The following LRRIQ3 variants were observed in gnomAD, a reference collection of about 807,000 sequenced individuals.
LRRIQ3 encodes the protein leucine rich repeats and IQ motif containing 3.
In LRRIQ3, 75 loss-of-function variants were observed where a neutral mutation model predicts 59.3. The observed-to-expected ratio is 1.26, with a 90% CI of 1.05 to 1.53. The LOEUF (loss-of-function observed/expected upper bound fraction) is 1.53, where lower values mean the gene tolerates loss of function less well. Among genes scored for constraint, LRRIQ3 ranks in the 40% most tolerant of loss-of-function variants. The pLI is 0.00. For missense variants in LRRIQ3, 831 were observed against 710.0 expected (o/e 1.17, Z -1.94); for synonymous variants, 250 against 231.3 (o/e 1.08, Z -0.73).
chr1:74,076,480 AC>A (rs549212674), intron 5 of LRRIQ3, among the ~76,000 whole-genome samples: 8 of 152,216 alleles, frequency 5.3e-5, no homozygotes, highest in African/African-American at 1.9e-4. Flanking sequence ...AGTGAATGGC[AC>A]CACATTCATT....
chr1:74,111,994 A>C (rs1646702340), intron 4 of LRRIQ3, among the ~76,000 whole-genome samples: 2 of 152,154 alleles, frequency 1.3e-5, no homozygotes, highest in South Asian at 4.1e-4. Flanking sequence ...TGATAGGCAG[A>C]AGCTCTAATC....
At chr1:74,132,902 G>T (rs1301655664) in intron 4 of LRRIQ3, among the ~76,000 whole-genome samples, 2 of 152,074 alleles carry the variant, frequency 1.3e-5, no homozygotes, top group Non-Finnish European at 2.9e-5. Context: ...CACAGCAAAA[G>T]AAACTACCAT....
chr1:74,102,000 T>A (rs1256685778), intron 5 of LRRIQ3, among the ~76,000 whole-genome samples: 1 of 151,504 alleles, frequency 6.6e-6, no homozygotes, highest in Non-Finnish European at 1.5e-5. Context: ...ATGGCACATG[T>A]ATACATATGT....
chr1:74,061,805 C>T (rs1029279642), intron 6 of LRRIQ3, among the ~76,000 whole-genome samples: 2 of 152,084 alleles, frequency 1.3e-5, no homozygotes, highest in African/African-American at 4.8e-5. Context: ...GAGGCCTAGT[C>T]CGGTGAATTG....
At chr1:74,067,541 C>G (rs563418016) in intron 6 of LRRIQ3, among the ~76,000 whole-genome samples, 1 of 152,072 alleles carries the variant, frequency 6.6e-6, no homozygotes, top group Non-Finnish European at 1.5e-5. Context: ...GGCTAAAATT[C>G]TCTGGTAATC....
At chr1:74,087,535 AT>A (rs926539068) in intron 5 of LRRIQ3, among the ~76,000 whole-genome samples, 5 of 151,612 alleles carry the variant, frequency 3.3e-5, no homozygotes, top group Non-Finnish European at 5.9e-5. Context: ...ATAAAAAAAA[AT>A]CTACCCTCTT....
At chr1:74,050,827 T>C (rs1284700622) in intron 6 of LRRIQ3, among the ~76,000 whole-genome samples, 1 of 152,214 alleles carries the variant, frequency 6.6e-6, no homozygotes, top group Non-Finnish European at 1.5e-5. Flanking sequence ...CCTGATTTGC[T>C]AGATGCAAAA....
At chr1:74,095,381 C>A (rs557822632) in intron 5 of LRRIQ3, among the ~76,000 whole-genome samples, 1 of 152,148 alleles carries the variant, frequency 6.6e-6, no homozygotes, top group African/African-American at 2.4e-5. Flanking sequence ...CATTCTCTTC[C>A]TTCTTTATTA....
At chr1:74,112,721 A>C (rs1646715910) in intron 4 of LRRIQ3, among the ~76,000 whole-genome samples, 1 of 152,176 alleles carries the variant, frequency 6.6e-6, no homozygotes, top group Admixed American at 6.6e-5. Flanking sequence ...AGCTGACTAT[A>C]GCTGGTGCAC....
chr1:74,125,678 A>C (rs1163539700), intron 4 of LRRIQ3, among the ~76,000 whole-genome samples: 2 of 151,948 alleles, frequency 1.3e-5, no homozygotes, highest in Non-Finnish European at 2.9e-5. Flanking sequence ...ACGTTGAACC[A>C]TCCTTGCATT....
intron 5 of LRRIQ3, among the ~76,000 whole-genome samples, chr1:74,101,394 A>G (rs1646530973): frequency 6.6e-6 from 1 of 152,198 alleles, no homozygotes; most frequent in Non-Finnish European, 1.5e-5. Context: ...GCCATCATTA[A>G]AAAGTCAGGA....
chr1:74,145,560 C>T (rs749830168), intron 4 of LRRIQ3, among the ~76,000 whole-genome samples: 2 of 152,116 alleles, frequency 1.3e-5, no homozygotes, highest in South Asian at 4.1e-4. Flanking sequence ...TAAAAAATTA[C>T]TTGCTTTAAT....
chr1:74,180,820 A>C, intron 3 of LRRIQ3: 1 of 1,547,276 alleles, frequency 6.5e-7, no homozygotes, highest in African/African-American at 1.4e-5. Flanking sequence ...AACAATGAGG[A>C]ATAAATATTC....
chr1:74,134,352 C>T (rs1219832427), intron 4 of LRRIQ3, among the ~76,000 whole-genome samples: 2 of 152,032 alleles, frequency 1.3e-5, no homozygotes, highest in African/African-American at 2.4e-5. Context: ...CCCCCCATAA[C>T]CCCTACCACT....
intron 5 of LRRIQ3, among the ~76,000 whole-genome samples, chr1:74,077,217 T>C (rs554365326): frequency 6.7e-6 from 1 of 150,134 alleles, no homozygotes; most frequent in African/African-American, 2.4e-5. Context: ...CTCTCGTATT[T>C]TCCTACTTCT....
intron 3 of LRRIQ3, among the ~76,000 whole-genome samples, chr1:74,158,856 T>A (rs894468143): frequency 6.6e-6 from 1 of 152,126 alleles, no homozygotes; most frequent in Non-Finnish European, 1.5e-5. Context: ...CTGAAAGGTT[T>A]TGTCCCCACC....
At position 74,119,836 on chromosome 1, in the gene LRRIQ3, G is replaced by T. The variant is rs1477207654; in HGVS notation, c.708-10283C>A. The stretch of plus-strand genomic sequence containing the variant: ...CATATATCGATAAAGTGGCCTAAAA[G>T]TAATTTTTAATATTTGGAAAGGCAT... On this transcript the variant is annotated intron_variant, in intron 4 of 7. Coordinates refer to ENST00000354431, the MANE Select transcript of LRRIQ3 (RefSeq NM_001105659.2). Among the ~76,000 whole-genome samples the T allele has an allele frequency of 2.6e-5, 4 of 152,072 alleles. No individual in the cohort carries two copies. In the East Asian group the frequency reaches 7.8e-4, roughly 30 times the overall value.
Position 74,063,255 on chromosome 1 carries a change from A to G in LRRIQ3, c.997+11406T>C, listed in dbSNP as rs7524306. 2.1e-4 allele frequency among the ~76,000 whole-genome samples: 32 copies of G among 152,040 alleles called. No individual in the cohort carries two copies. In the South Asian group the frequency reaches 6.4e-3, roughly 31 times the overall value. On this transcript the variant is annotated intron_variant, in intron 6 of 7. Coordinates refer to ENST00000354431, the MANE Select transcript of LRRIQ3 (RefSeq NM_001105659.2). ...ATGTAATCTCATAATGAATAAAGAA[A>G]ATGTTTTGTATCATTTCCATCTTTT...
intron 4 of LRRIQ3, among the ~76,000 whole-genome samples, chr1:74,133,800 T>G (rs1192599216): frequency 6.6e-6 from 1 of 152,002 alleles, no homozygotes; most frequent in African/African-American, 2.4e-5. Flanking sequence ...GCATGGCACA[T>G]GTATACATAT....
Sources: allele counts gnomAD v4.1 joint callset (sites outside exome capture counted in the v4.1 genomes callset), GRCh38; gene constraint gnomAD v4.1.1; transcripts MANE v1.5; gene names NCBI Gene and HGNC (gene_info 2026-07-23, HGNC 2026-07-21).